Variants in NCAM2 observed in about 807,000 individuals in gnomAD.
NCAM2 encodes neural cell adhesion molecule 2.
Under a neutral mutation model 98.1 loss-of-function variants are expected in NCAM2, and 30 were observed. The ratio of observed to expected loss-of-function variants is 0.31; its 90% CI spans 0.23 to 0.41. The LOEUF (loss-of-function observed/expected upper bound fraction) is 0.41, where lower values mean the gene tolerates loss of function less well. NCAM2 is among the 10% of genes least tolerant of loss of function. The pLI, the probability that NCAM2 is intolerant of heterozygous loss-of-function variation, is 1.00. For missense variants in NCAM2, 867 were observed against 1,005.8 expected, an observed-to-expected ratio of 0.86 and a Z score of 1.87; for synonymous variants, 368 against 342.4, an observed-to-expected ratio of 1.07 and a Z score of -0.83.
chr21:21,471,157 A>C (rs560487662), intron 14 of NCAM2, among the ~76,000 whole-genome samples: 30 of 152,142 alleles, frequency 2.0e-4, no homozygotes, highest in Non-Finnish European at 4.0e-4. Context: ...TCAACTGCCC[A>C]GCTCTTGTGC....
intron 9 of NCAM2, among the ~76,000 whole-genome samples, chr21:21,389,434 T>C (rs899409246): frequency 1.5e-4 from 23 of 152,340 alleles, no homozygotes; most frequent in Admixed American, 5.2e-4. Flanking sequence ...CTAAACCATA[T>C]TGGGAACATT....
chr21:21,473,189 T>A (rs573949430), intron 14 of NCAM2, among the ~76,000 whole-genome samples: 2 of 151,394 alleles, frequency 1.3e-5, no homozygotes, highest in Admixed American at 1.3e-4. Context: ...TCTGAAGGAC[T>A]CACTGGTCTC....
At chr21:21,452,950 C>A (rs1423170607) in intron 12 of NCAM2, among the ~76,000 whole-genome samples, 426 of 73,920 alleles carry the variant, frequency 5.8e-3, no homozygotes, top group Admixed American at 9.6e-3. Context: ...ATAATTTATA[C>A]TATATATTAT....
At chr21:21,213,156 C>CT (rs2069730539) in intron 1 of NCAM2, among the ~76,000 whole-genome samples, 1 of 152,148 alleles carries the variant, frequency 6.6e-6, no homozygotes, top group East Asian at 1.9e-4. Flanking sequence ...GACTCATCTT[C>CT]TTTTTTACTT....
chr21:21,027,145 G>C (rs1213800694), intron 1 of NCAM2, among the ~76,000 whole-genome samples: 3 of 152,052 alleles, frequency 2.0e-5, no homozygotes, highest in Non-Finnish European at 2.9e-5. Flanking sequence ...GGCGTGAGCC[G>C]CCGTGCCCGG....
intron 9 of NCAM2, among the ~76,000 whole-genome samples, chr21:21,404,272 A>T (rs1395454242): frequency 6.6e-6 from 1 of 152,254 alleles, no homozygotes; most frequent in East Asian, 1.9e-4. Flanking sequence ...GTATATGTGT[A>T]CAATATGGTT....
chr21:21,352,731 A>G (rs1476236188), intron 8 of NCAM2, among the ~76,000 whole-genome samples: 1 of 150,206 alleles, frequency 6.7e-6, no homozygotes. Context: ...TTTTCTAGTT[A>G]TACATTTAGA....
At position 21,355,842 on chromosome 21, in the gene NCAM2, C is replaced by T. The variant is rs558981313; in HGVS notation, c.1044+17308C>T. Among the ~76,000 whole-genome samples the T allele has an allele frequency of 4.6e-5, 7 of 152,100 alleles. No individual in the cohort carries two copies. In the East Asian group the frequency reaches 1.4e-3, roughly 30 times the overall value. Reference sequence around the variant, plus strand: ...CAGGCTGGTCTTGAACTCCTGACCTCAGGTGATCCACCCACCTCGGCCTCC... The same window carrying T: ...CAGGCTGGTCTTGAACTCCTGACCTTAGGTGATCCACCCACCTCGGCCTCC... On this transcript the variant is annotated intron_variant, in intron 8 of 17. Transcript: ENST00000400546.
Position 21,048,599 on chromosome 21 carries a change from C to T in NCAM2, c.55+49981C>T, listed in dbSNP as rs150691777. 2.1e-3 allele frequency among the ~76,000 whole-genome samples: 316 copies of T among 152,236 alleles called. 2 individuals are homozygous for T. The highest frequency in any genetic ancestry group is 3.5e-3 in the Admixed American group (53 of 15,300). ...TGATCTCCTGACCTCGTGATCCACC[C>T]GCCTCGGCCTCCCAAAGTGCTGGGA... On this transcript the variant is annotated intron_variant, in intron 1 of 17. Transcript: ENST00000400546.
intron 1 of NCAM2, among the ~76,000 whole-genome samples, chr21:21,048,219 C>A (rs137875066): frequency 6.6e-6 from 1 of 152,318 alleles, no homozygotes; most frequent in African/African-American, 2.4e-5. Context: ...AATCCTTTAT[C>A]TTAACCTAAA....
chr21:21,479,199 A>T (rs1985537881), intron 15 of NCAM2, among the ~76,000 whole-genome samples: 1 of 152,130 alleles, frequency 6.6e-6, no homozygotes, highest in African/African-American at 2.4e-5. Context: ...AGAAGGCAAA[A>T]TTTTAATAAC....
chr21:21,029,102 G>A (rs1315954033), intron 1 of NCAM2, among the ~76,000 whole-genome samples: 2 of 152,108 alleles, frequency 1.3e-5, no homozygotes, highest in Non-Finnish European at 2.9e-5. Flanking sequence ...TGTGGTAATT[G>A]ATAAACAGAA....
chr21:21,292,617 A>G (rs2073338377), intron 5 of NCAM2, among the ~76,000 whole-genome samples: 2 of 151,948 alleles, frequency 1.3e-5, no homozygotes, highest in Non-Finnish European at 2.9e-5. Flanking sequence ...ATGTTTCTCA[A>G]ATTTAATAAT....
chr21:21,170,119 G>T (rs1028583359), intron 1 of NCAM2, among the ~76,000 whole-genome samples: 4 of 152,196 alleles, frequency 2.6e-5, no homozygotes, highest in Non-Finnish European at 5.9e-5. Context: ...GCTAGTGAGG[G>T]TGTGGAACAA....
At chr21:21,104,558 T>C (rs1220803969) in intron 1 of NCAM2, among the ~76,000 whole-genome samples, 5 of 138,126 alleles carry the variant, frequency 3.6e-5, no homozygotes, top group Admixed American at 7.1e-5. Flanking sequence ...ATGAGACAGT[T>C]AGTCAGTAAA....
intron 1 of NCAM2, among the ~76,000 whole-genome samples, chr21:21,034,632 A>C (rs1469663909): frequency 6.6e-6 from 1 of 152,226 alleles, no homozygotes; most frequent in Non-Finnish European, 1.5e-5. Context: ...GGAAAGTTAC[A>C]GTCAGGTATT....
At chr21:21,255,829 C>T (rs1190171047) in intron 1 of NCAM2, among the ~76,000 whole-genome samples, 4 of 152,098 alleles carry the variant, frequency 2.6e-5, no homozygotes. Flanking sequence ...TCTCAGAGCA[C>T]CAGAGTCCCT....
intron 1 of NCAM2, among the ~76,000 whole-genome samples, chr21:21,034,629 T>TAAG (rs1427383720): frequency 6.6e-6 from 1 of 152,190 alleles, no homozygotes; most frequent in Non-Finnish European, 1.5e-5. Flanking sequence ...TTTGGAAAGT[T>TAAG]ACAGTCAGGT....
At chr21:21,349,078 G>A (rs2075266540) in intron 8 of NCAM2, among the ~76,000 whole-genome samples, 1 of 152,054 alleles carries the variant, frequency 6.6e-6, no homozygotes, top group Non-Finnish European at 1.5e-5. Flanking sequence ...AGCAAACGTA[G>A]ACAAGTGGGA....
Sources: gnomAD v4.1 joint callset for allele counts (sites outside exome capture counted in the v4.1 genomes callset) on GRCh38, gnomAD v4.1.1 for gene constraint, MANE v1.5 for transcripts, NCBI Gene and HGNC (gene_info 2026-07-23, HGNC 2026-07-21) for gene names.